SMUG1: variants seen among roughly 807,000 people sequenced by gnomAD.
The protein encoded by SMUG1 is single-strand-selective monofunctional uracil-DNA glycosylase 1.
Under a neutral mutation model 23.9 loss-of-function variants are expected in SMUG1, and 13 were observed. That is an observed-to-expected ratio of 0.54 (90% confidence interval 0.35 to 0.86). The LOEUF (loss-of-function observed/expected upper bound fraction) is 0.86. Ranked by LOEUF, SMUG1 falls within the 40% of genes least tolerant of loss-of-function variation. The pLI, the probability that SMUG1 is intolerant of heterozygous loss-of-function variation, is 0.01. For missense variants in SMUG1, 313 were observed against 339.5 expected (o/e 0.92, Z 0.61); for synonymous variants, 133 against 139.8 (o/e 0.95, Z 0.34).
chr12:54,159,176 C>T (rs1236630864), intron 4 of SMUG1, among the ~76,000 whole-genome samples: 6 of 152,098 alleles, frequency 3.9e-5, no homozygotes, highest in African/African-American at 9.7e-5. Context: ...CCAGCCCCAG[C>T]GGAGGAGAGG....
chr12:54,164,052 G>A (rs1263911008), downstream of SMUG1, among the ~76,000 whole-genome samples: 3 of 152,116 alleles, frequency 2.0e-5, no homozygotes, highest in Non-Finnish European at 4.4e-5. Context: ...CCTGACCCGG[G>A]AGGCAGAAGG....
chr12:54,172,207 G>C (rs1940638584), intron 2 of SMUG1: 4 of 421,910 alleles, frequency 9.5e-6, no homozygotes, highest in South Asian at 6.4e-5. Flanking sequence ...TAACTTATTA[G>C]TTTCTACGTG....
chr12:54,176,507 T>TTCCCCCC (rs1555199083), downstream of SMUG1, among the ~76,000 whole-genome samples: 4 of 64,474 alleles, frequency 6.2e-5, no homozygotes, highest in Non-Finnish European at 1.2e-4. Flanking sequence ...GAAGATCCTG[T>TTCCCCCC]CCCCCCCCAA....
At chr12:54,158,715 C>T (rs1225649507) in intron 4 of SMUG1, among the ~76,000 whole-genome samples, 1 of 152,122 alleles carries the variant, frequency 6.6e-6, no homozygotes, top group Non-Finnish European at 1.5e-5. Context: ...CCCAACCCAC[C>T]GCTCCAACAA....
chr12:54,160,312 G>C (rs1189970277), downstream of SMUG1, among the ~76,000 whole-genome samples: 1 of 152,264 alleles, frequency 6.6e-6, no homozygotes, highest in Non-Finnish European at 1.5e-5. Flanking sequence ...CTGTGTGGTG[G>C]GCTAAGGGAG....
intron 4 of SMUG1, among the ~76,000 whole-genome samples, chr12:54,159,247 A>T (rs987366822): frequency 6.6e-6 from 1 of 152,160 alleles, no homozygotes; most frequent in African/African-American, 2.4e-5. Context: ...GAAGGAGGTA[A>T]TTAGGAGCTG....
intron 2 of SMUG1, among the ~76,000 whole-genome samples, chr12:54,186,344 TGTTTTG>T (rs1456525622): frequency 1.0e-5 from 1 of 97,678 alleles, no homozygotes; most frequent in East Asian, 3.0e-4. Flanking sequence ...TGTTTTGTTT[TGTTTTG>T]TTTTTTTTTT....
At chr12:54,188,286 AATAATAATAAATAAT>A (rs1293029072) in intron 1 of SMUG1, among the ~76,000 whole-genome samples, 1 of 28,598 alleles carries the variant, frequency 3.5e-5, no homozygotes, top group Non-Finnish European at 7.8e-5. Context: ...TAATAATAAT[AATAATAATAAATAAT>A]AATAATAATA....
downstream of SMUG1, among the ~76,000 whole-genome samples, chr12:54,176,218 C>T (rs1370817886): frequency 1.4e-5 from 2 of 145,730 alleles, no homozygotes; most frequent in Non-Finnish European, 3.0e-5. Flanking sequence ...AAGAGCAAAA[C>T]TCCATCTAAA....
chr12:54,173,560 C>T lies in SMUG1; in HGVS notation c.399-1451G>A, dbSNP rs545405214. Among the ~76,000 whole-genome samples, 3 of 152,198 alleles carry T rather than the reference C, an allele frequency of 2.0e-5. No homozygotes were observed. The South Asian group carries it at 6.2e-4, about 31-fold the overall frequency. On this transcript the variant is annotated intron_variant and NMD_transcript_variant, in intron 2 of 4. Coordinates refer to the SMUG1 transcript ENST00000509864. ...TCCACAAAACGCCGCCCGCGCGGCC[C>T]GCCGCCGAGCCCGCTCCAATCTCCA... is the stretch of plus-strand genomic sequence containing the variant.
chr12:54,159,055 TCCACACCCCAGGTTAGTGCCC>T (rs1940141465), intron 4 of SMUG1, among the ~76,000 whole-genome samples: 1 of 152,062 alleles, frequency 6.6e-6, no homozygotes, highest in African/African-American at 2.4e-5. Context: ...CTCCTCGCAC[TCCACACCCCAGGTTAGTGCCC>T]CCACACCCTC....
chr12:54,172,330 A>G (rs1328115839), intron 2 of SMUG1: 1 of 285,696 alleles, frequency 3.5e-6, no homozygotes, highest in Non-Finnish European at 7.4e-6. Context: ...ACATGCTCAC[A>G]TGAGGGCTTT....
chr12:54,181,985 C>G lies in SMUG1; in HGVS notation c.*111G>C. 3 of 1,503,232 alleles carry G rather than the reference C, an allele frequency of 2.0e-6. No individual in the cohort carries two copies. The highest frequency in any genetic ancestry group is 1.8e-6 in the Non-Finnish European group (2 of 1,128,660). The allele number at this position is 1,503,232 out of a possible 1,614,324, so 93.1% of individuals were successfully genotyped here. A position where few individuals can be genotyped will look rare whatever the true frequency, so the allele number is the denominator to read the frequency against. On this transcript the variant is annotated 3_prime_UTR_variant, in exon 4 of 4. Transcript: ENST00000682136. ...ATCAAAGAATACGTTTCCCAGCGACCAGGGTGCACAGAAGGACCTTTTGCT... is the reference window on the plus strand; with the variant it reads ...ATCAAAGAATACGTTTCCCAGCGACGAGGGTGCACAGAAGGACCTTTTGCT...
At chr12:54,188,036 T>C (rs919327046) in intron 1 of SMUG1, 134 bp from the exon 2 acceptor site, 2 of 151,846 alleles carry the variant, frequency 1.3e-5, no homozygotes, top group Admixed American at 1.3e-4. Context: ...AGCCAGAGGC[T>C]TAAGAAATGT....
At chr12:54,160,684 T>TGCCCCCC (rs1302626511), downstream of SMUG1, among the ~76,000 whole-genome samples, 1 of 152,202 alleles carries the variant, frequency 6.6e-6, no homozygotes, top group Non-Finnish European at 1.5e-5. Flanking sequence ...CCCTGGCCCC[T>TGCCCCCC]GCCCCCCAAG....
chr12:54,181,612 A>C lies in SMUG1; in HGVS notation c.*484T>G, dbSNP rs772323337. ...AGCTGCAGCCTCCCATAAGAAGTTC[A>C]CTCTTAATTTCATGTCCCATGCTTT... is the stretch of plus-strand genomic sequence containing the variant. On this transcript the variant is annotated 3_prime_UTR_variant, in exon 4 of 4. Coordinates refer to ENST00000682136, the MANE Select transcript of SMUG1 (RefSeq NM_001243787.2). The C allele has an allele frequency of 6.9e-6, 11 of 1,583,382 alleles. No individual in the cohort carries two copies. The African/African-American group carries it at 1.5e-4, about 21-fold the overall frequency.
At chr12:54,178,174 G>T (rs1592360070), downstream of SMUG1, among the ~76,000 whole-genome samples, 1 of 152,200 alleles carries the variant, frequency 6.6e-6, no homozygotes, top group East Asian at 1.9e-4. Context: ...ACGGGCTCCA[G>T]AAGTGTCAGA....
chr12:54,166,168 C>T (rs1940456637), intron 3 of SMUG1, among the ~76,000 whole-genome samples: 1 of 152,226 alleles, frequency 6.6e-6, no homozygotes, highest in Non-Finnish European at 1.5e-5. Context: ...CGAGACCAGC[C>T]TGGCCAACAT....
At chr12:54,158,784 AT>A (rs1940128787) in intron 4 of SMUG1, among the ~76,000 whole-genome samples, 1 of 152,008 alleles carries the variant, frequency 6.6e-6, no homozygotes, top group African/African-American at 2.4e-5. Context: ...TTCTGCAGCT[AT>A]TTGCCACGAG....
Sources: gnomAD v4.1 joint callset for allele counts (sites outside exome capture counted in the v4.1 genomes callset) on GRCh38, gnomAD v4.1.1 for gene constraint, MANE v1.5 for transcripts, NCBI Gene and HGNC (gene_info 2026-07-23, HGNC 2026-07-21) for gene names.